Variants in NAA60 observed in about 807,000 individuals in gnomAD.
NAA60 encodes N-alpha-acetyltransferase 60, NatF catalytic subunit, also known as N-alpha-acetyltransferase 60.
In NAA60, 8 loss-of-function variants were observed where a neutral mutation model predicts 26.1. The ratio of observed to expected loss-of-function variants is 0.31; its 90% CI spans 0.18 to 0.55. NAA60 has a LOEUF of 0.55. Ranked by LOEUF, NAA60 falls within the 20% of genes least tolerant of loss-of-function variation. The probability of loss-of-function intolerance (pLI) is 0.93; values close to 1 mark genes in which losing one functional copy is unlikely to be tolerated. For missense variants in NAA60, 290 were observed against 311.3 expected, an observed-to-expected ratio of 0.93 and a Z score of 0.51; for synonymous variants, 131 against 122.5, an observed-to-expected ratio of 1.07 and a Z score of -0.46.
chr16:3,462,675 CCTTACCAGGCAAGCCCT>C, intron 2 of NAA60: 1 of 152,272 alleles, frequency 6.6e-6, no homozygotes, highest in Middle Eastern at 3.4e-3. Flanking sequence ...CCATGGGCCC[CCTTACCAGGCAAGCCCT>C]CTTCTATTAA....
chr16:3,476,487 C>T (rs1361610786), intron 3 of NAA60, 150 bp downstream of exon 3: 5 of 632,280 alleles, frequency 7.9e-6, no homozygotes, highest in East Asian at 5.7e-5. Flanking sequence ...AGGTTACCCA[C>T]CTCATCTAGG....
Position 3,443,780 on chromosome 16 carries a change from G to C in NAA60, c.-134G>C, listed in dbSNP as rs1244708561. The stretch of plus-strand genomic sequence containing the variant: ...CAGGGGGACGTAATGTTTCCGAGAA[G>C]AAGGACAGAAAGAAGACTGGGAGAC... On this transcript the variant is annotated 5_prime_UTR_variant, in exon 1 of 8. Transcript: ENST00000407558. The C allele has an allele frequency of 6.5e-7, 1 of 1,534,344 alleles. No individual in the cohort carries two copies. The highest frequency in any genetic ancestry group is 2.0e-5 in the Admixed American group (1 of 50,894).
intron 1 of NAA60, among the ~76,000 whole-genome samples, chr16:3,446,762 C>T (rs1451369036): frequency 2.0e-5 from 3 of 151,884 alleles, no homozygotes; most frequent in Non-Finnish European, 4.4e-5. Flanking sequence ...GGGCAGATGC[C>T]ACCACAACCA....
At chr16:3,455,713 G>GTT (rs1356893292) in intron 2 of NAA60, among the ~76,000 whole-genome samples, 2 of 146,010 alleles carry the variant, frequency 1.4e-5, no homozygotes, top group African/African-American at 5.1e-5. Flanking sequence ...GGGTTTTTTT[G>GTT]TTTTGTTTTG....
chr16:3,457,605 C>A (rs1434017544), intron 2 of NAA60, among the ~76,000 whole-genome samples: 1 of 152,234 alleles, frequency 6.6e-6, no homozygotes, highest in East Asian at 1.9e-4. Flanking sequence ...CCAGCTGGCT[C>A]CGGGTGGTCG....
chr16:3,481,429 A>G (rs967940023), intron 4 of NAA60, among the ~76,000 whole-genome samples: 5 of 151,906 alleles, frequency 3.3e-5, no homozygotes, highest in Non-Finnish European at 5.9e-5. Context: ...CCTTCCCCCA[A>G]TGACTCATTC....
In NAA60 at chr16:3,469,704, C is replaced by T. The variant is rs117493723; in HGVS notation, c.-6-6518C>T. Among the ~76,000 whole-genome samples the T allele has an allele frequency of 3.9e-5, 6 of 152,212 alleles. No homozygotes were observed. The East Asian group carries it at 1.2e-3, about 29-fold the overall frequency. On this transcript the variant is annotated intron_variant, in intron 2 of 7. Coordinates refer to ENST00000407558, the MANE Select transcript of NAA60 (RefSeq NM_001083601.3). ...TGTCTCTGACTTTGCCTTGCTGCTC[C>T]CTGTTATCAGCACTCTTGTCCCTGT...
At chr16:3,459,818 T>G (rs1008237882) in intron 2 of NAA60, among the ~76,000 whole-genome samples, 7 of 152,222 alleles carry the variant, frequency 4.6e-5, no homozygotes, top group African/African-American at 1.7e-4. Flanking sequence ...GAAGTGACTT[T>G]GTTGCCGTGT....
chr16:3,443,862 T>TA (rs760441296), intron 1 of NAA60, 25 bp downstream of exon 1: 31 of 1,528,094 alleles, frequency 2.0e-5, no homozygotes, highest in Non-Finnish European at 2.6e-5. Context: ...CAGTGCCCTG[T>TA]AGGCCTGAAA....
chr16:3,446,964 C>T (rs2034581062), intron 1 of NAA60, among the ~76,000 whole-genome samples: 1 of 151,918 alleles, frequency 6.6e-6, no homozygotes, highest in Non-Finnish European at 1.5e-5. Context: ...GGCTCAGCCT[C>T]CCGAGTAGCT....
Position 3,482,540 on chromosome 16 carries a change from A to G in NAA60, c.279A>G (p.Thr93=), listed in dbSNP as rs201919310. 1,813 of 1,608,646 alleles carry G rather than the reference A, an allele frequency of 1.1e-3. 2 individuals carry two copies. Among genetic ancestry groups the G allele is most frequent in the Non-Finnish European group, 1.4e-3 (1,684 of 1,177,578 alleles). ...DILASNFSVD[T]QVAYILSLGV... ...TAGCATCCAACTTCTCTGTTGACAC[A>G]CAAGTCGCGTACATCCTAAGTCTGG... The change falls in exon 5 of 8, where the codon ACA becomes ACG. Residue 93 remains threonine, a synonymous_variant. Coordinates refer to ENST00000407558, the MANE Select transcript of NAA60 (RefSeq NM_001083601.3).
intron 2 of NAA60, chr16:3,448,823 TGAGTCTGATG>T (rs1430225427): frequency 3.4e-6 from 1 of 292,918 alleles, no homozygotes; most frequent in African/African-American, 2.2e-5. Context: ...CAGTCTCTTG[TGAGTCTGATG>T]GGTAAGCCCA....
intron 3 of NAA60, among the ~76,000 whole-genome samples, chr16:3,476,667 A>G (rs1453121949): frequency 1.3e-5 from 2 of 152,188 alleles, no homozygotes; most frequent in Non-Finnish European, 2.9e-5. Flanking sequence ...CATGCATTAG[A>G]GTAATTAGAG....
intron 2 of NAA60, among the ~76,000 whole-genome samples, chr16:3,456,551 C>T (rs2035004978): frequency 6.6e-6 from 1 of 152,002 alleles, no homozygotes. Flanking sequence ...TTCTTTTAAG[C>T]ACATGACACA....
intron 2 of NAA60, among the ~76,000 whole-genome samples, chr16:3,460,487 C>CTGA (rs893934286): frequency 6.6e-6 from 1 of 152,198 alleles, no homozygotes; most frequent in African/African-American, 2.4e-5. Flanking sequence ...CTTCAGCCTC[C>CTGA]TGAGTAGCTG....
At chr16:3,456,519 AGTT>A (rs1427398566) in intron 2 of NAA60, among the ~76,000 whole-genome samples, 1 of 152,204 alleles carries the variant, frequency 6.6e-6, no homozygotes, top group Admixed American at 6.5e-5. Flanking sequence ...GCGCTTCACC[AGTT>A]GTTAACAATT....
At chr16:3,483,927 C>A in intron 6 of NAA60, 1 of 356,062 alleles carries the variant, frequency 2.8e-6, no homozygotes, top group Non-Finnish European at 5.1e-6. Context: ...TGGGGATCAG[C>A]AGTGCACAAA....
chr16:3,445,919 A>C (rs2034531662), intron 1 of NAA60, among the ~76,000 whole-genome samples: 1 of 152,174 alleles, frequency 6.6e-6, no homozygotes, highest in African/African-American at 2.4e-5. Context: ...ATGACATACA[A>C]AGTCCAAGAT....
At chr16:3,453,086 G>C (rs1239586371) in intron 2 of NAA60, among the ~76,000 whole-genome samples, 1 of 152,036 alleles carries the variant, frequency 6.6e-6, no homozygotes, top group African/African-American at 2.4e-5. Flanking sequence ...GGCAATCTAG[G>C]GTTTGTTTCC....
Sources: allele counts gnomAD v4.1 joint callset (sites outside exome capture counted in the v4.1 genomes callset), GRCh38; gene constraint gnomAD v4.1.1; transcripts MANE v1.5; gene names NCBI Gene and HGNC (gene_info 2026-07-23, HGNC 2026-07-21).